EP400: variants seen among roughly 807,000 people sequenced by gnomAD.
EP400 encodes the protein E1A-binding protein p400.
EP400 carries 105 observed loss-of-function variants against 354.1 expected under a neutral mutation model. That is an observed-to-expected ratio of 0.30 (90% CI 0.25 to 0.35). The LOEUF is 0.35. EP400 is among the 10% of genes least tolerant of loss of function. The pLI, the probability that EP400 is intolerant of heterozygous loss-of-function variation, is 1.00. For synonymous variants in EP400, 1,646 were observed against 1,716.9 expected, an observed-to-expected ratio of 0.96 and a Z score of 1.02; for missense variants, 3,280 against 4,121.0, an observed-to-expected ratio of 0.80 and a Z score of 5.59.
At chr12:132,034,775 G>A (rs1440458536) in intron 30 of EP400, among the ~76,000 whole-genome samples, 1 of 152,238 alleles carries the variant, frequency 6.6e-6, no homozygotes, top group Non-Finnish European at 1.5e-5. Context: ...CCTGACCATG[G>A]CGGAGTCCAG....
intron 1 of EP400, among the ~76,000 whole-genome samples, chr12:131,955,541 C>G (rs1329790114): frequency 6.6e-6 from 1 of 152,168 alleles, no homozygotes; most frequent in Non-Finnish European, 1.5e-5. Context: ...CTCAGCCTCC[C>G]AAAGTGTTGG....
Position 132,021,192 on chromosome 12 carries a change from C to T in EP400, c.4561C>T (p.Gln1521Ter). The T allele has an allele frequency of 1.2e-6, 2 of 1,600,764 alleles. No homozygotes were observed. The highest frequency in any genetic ancestry group is 1.7e-6 in the Non-Finnish European group (2 of 1,179,556). Reference sequence around the variant, plus strand: ...GGCCCATCCTGCGAAACTGCGGGCCCAGACCACAGCACAGGCCTCCACCCC... The same window carrying T: ...GGCCCATCCTGCGAAACTGCGGGCCTAGACCACAGCACAGGCCTCCACCCC... ...SPAHPAKLRA[Q>*]TTAQASTPGQ... The change falls in exon 23 of 53, where the codon CAG becomes TAG. Residue 1521 changes from glutamine (Q) to a stop codon, truncating the protein, a stop_gained. Coordinates refer to ENST00000389561, the MANE Select transcript of EP400 (RefSeq NM_015409.5). LOFTEE classifies it high-confidence loss of function.
chr12:131,950,940 C>G (rs1039253381), intron 1 of EP400, among the ~76,000 whole-genome samples: 1 of 151,944 alleles, frequency 6.6e-6, no homozygotes, highest in African/African-American at 2.4e-5. Context: ...CTCTCTGTCA[C>G]CCAGGCTGGA....
intron 12 of EP400, among the ~76,000 whole-genome samples, chr12:132,001,709 A>G (rs1893421982): frequency 6.6e-6 from 1 of 152,314 alleles, no homozygotes; most frequent in African/African-American, 2.4e-5. Flanking sequence ...CGCTAGACCC[A>G]GGAGCCCTCT....
At chr12:131,989,900 A>G in intron 7 of EP400, 64 bp from the exon 8 acceptor site, 3 of 1,578,546 alleles carry the variant, frequency 1.9e-6, no homozygotes, top group Non-Finnish European at 1.7e-6. Context: ...AAAAAGTTAC[A>G]TATCCTTTTT....
In EP400 at chr12:132,033,232, GCCACCGCGCCTGGCCTATTATTATCTGTA is replaced by G. The variant is rs1488626834; in HGVS notation, c.5951+1084_5951+1112del. 7.2e-5 allele frequency among the ~76,000 whole-genome samples: 11 copies of G among 152,292 alleles called. No homozygotes were observed. In the South Asian group the frequency reaches 8.3e-4, roughly 11 times the overall value. On this transcript the variant is annotated intron_variant, in intron 30 of 52. Coordinates refer to ENST00000389561, the MANE Select transcript of EP400 (RefSeq NM_015409.5). The stretch of plus-strand genomic sequence containing the variant: ...CAAAGTGCTGGGATTATAGGTGTGA[GCCACCGCGCCTGGCCTATTATTATCTGTA>G]AAGATAAAAACTATAACTGTCAAAA...
intron 29 of EP400, among the ~76,000 whole-genome samples, chr12:132,031,640 G>T (rs1164975418): frequency 6.6e-6 from 1 of 152,136 alleles, no homozygotes; most frequent in Non-Finnish European, 1.5e-5. Context: ...CTCACTGCAG[G>T]CTCCTCCCGG....
chr12:132,034,955 A>G (rs1282463686), intron 30 of EP400, among the ~76,000 whole-genome samples: 2 of 152,212 alleles, frequency 1.3e-5, no homozygotes, highest in African/African-American at 2.4e-5. Flanking sequence ...CGTTGTACAG[A>G]TACGGTGAGC....
intron 22 of EP400, 137 bp downstream of exon 22, chr12:132,020,355 G>T (rs559563391): frequency 9.9e-7 from 1 of 1,010,152 alleles, no homozygotes; most frequent in African/African-American, 1.7e-5. Context: ...GCTTTCTGAA[G>T]GTGCCTTGTT....
intron 45 of EP400, among the ~76,000 whole-genome samples, chr12:132,056,246 C>T (rs1162305806): frequency 6.6e-6 from 1 of 152,108 alleles, no homozygotes; most frequent in African/African-American, 2.4e-5. Context: ...AGAAACGATG[C>T]TTCAAAGTCA....
intron 41 of EP400, among the ~76,000 whole-genome samples, chr12:132,051,621 A>G (rs1411029194): frequency 2.0e-5 from 3 of 152,152 alleles, no homozygotes; most frequent in East Asian, 1.9e-4. Context: ...TACTTTCACT[A>G]ATTTGCTGCT....
Position 132,013,437 on chromosome 12 carries a change from C to T in EP400, c.3612-53C>T. 3 of 1,513,788 alleles carry T rather than the reference C, an allele frequency of 2.0e-6. No individual in the cohort carries two copies. Among genetic ancestry groups the T allele is most frequent in the Non-Finnish European group, 2.7e-6 (3 of 1,130,274 alleles). The allele number at this position is 1,513,788 out of a possible 1,614,324, so 93.8% of individuals were successfully genotyped here. A position where few individuals can be genotyped will look rare whatever the true frequency, so the allele number is the denominator to read the frequency against. On this transcript the variant is annotated intron_variant, in intron 17 of 52. Transcript: ENST00000389561. The surrounding 1 kb of genome is among the most constrained non-coding windows in gnomAD (Gnocchi z 4.5). ...CACATTGTCAGAGAAGATGCTGCTG[C>T]AGCCAGCCCCGTGGCTGTAGAACTC...
chr12:132,078,499 A>T lies in EP400; in HGVS notation c.*826A>T, dbSNP rs1361443962. On this transcript the variant is annotated 3_prime_UTR_variant, in exon 53 of 53. Transcript: ENST00000389561. ...GCTGGTATTTGACATAGTGTGTTAA[A>T]CAGCTCCTGAGAACCTTTGGGACAC... is the stretch of plus-strand genomic sequence containing the variant. 3 of 152,318 alleles carry T rather than the reference A, an allele frequency of 2.0e-5. No homozygotes were observed. Among genetic ancestry groups the T allele is most frequent in the Admixed American group, 6.5e-5 (1 of 15,290 alleles). 9.4% of individuals were successfully genotyped at this position (152,318 alleles called of 1,614,324 possible). A position where few individuals can be genotyped will look rare whatever the true frequency, so the allele number is the denominator to read the frequency against.
rs913000034 is a variant in EP400, at chr12:131,981,377, T to A, written c.1436-112T>A. ...TTTATGGCTTCTGGATTTTAGTTCA[T>A]GTATAGAAAGGCCTCCCTTTTCCAA... On this transcript the variant is annotated intron_variant, in intron 3 of 52. Transcript: ENST00000389561. 5.3e-6 allele frequency: 4 copies of A among 750,998 alleles called. No individual in the cohort carries two copies. In the African/African-American group the frequency reaches 7.1e-5, roughly 13 times the overall value. The allele number at this position is 750,998 out of a possible 1,614,324, so 46.5% of individuals were successfully genotyped here.
At chr12:132,020,976 C>A in intron 22 of EP400, 103 bp from the exon 23 acceptor site, 1 of 1,384,180 alleles carries the variant, frequency 7.2e-7, no homozygotes, top group Non-Finnish European at 9.4e-7. Context: ...ATTTGAGAGA[C>A]GGTGTGAAAT....
chr12:131,995,033 ATATT>A (rs1893157304), intron 12 of EP400, 77 bp downstream of exon 12: 1 of 1,376,540 alleles, frequency 7.3e-7, no homozygotes, highest in Non-Finnish European at 1.0e-6. Flanking sequence ...GAATAATAAT[ATATT>A]GAGTAACAAC....
intron 2 of EP400, among the ~76,000 whole-genome samples, chr12:131,974,288 A>AT (rs1892394226): frequency 6.6e-6 from 1 of 151,774 alleles, no homozygotes; most frequent in African/African-American, 2.4e-5. Flanking sequence ...CAGTTTTTTA[A>AT]TTTTTTTGTA....
intron 32 of EP400, among the ~76,000 whole-genome samples, chr12:132,042,989 T>C (rs1894965010): frequency 6.6e-6 from 1 of 152,236 alleles, no homozygotes; most frequent in South Asian, 2.1e-4. Flanking sequence ...TTTCTTGTTC[T>C]CCAAGCTTCC....
chr12:132,071,943 C>A (rs1249942812), intron 51 of EP400, among the ~76,000 whole-genome samples: 2 of 151,514 alleles, frequency 1.3e-5, no homozygotes, highest in African/African-American at 4.9e-5. Flanking sequence ...GTACAGTGGA[C>A]AGATGGACTG....
Sources: gnomAD v4.1 joint callset for allele counts (sites outside exome capture counted in the v4.1 genomes callset) on GRCh38, gnomAD v4.1.1 for gene constraint, Gnocchi (gnomAD v3.1) non-coding constraint, MANE v1.5 for transcripts, NCBI Gene and HGNC (gene_info 2026-07-23, HGNC 2026-07-21) for gene names.